Variants in CNTNAP2 observed in about 807,000 individuals in gnomAD.
The protein encoded by CNTNAP2 is contactin associated protein 2, also known as contactin-associated protein-like 2.
A neutral mutation model predicts 155.2 loss-of-function variants in CNTNAP2; 98 were observed. The observed-to-expected ratio is 0.63, with a 90% confidence interval of 0.54 to 0.75. CNTNAP2 has a LOEUF of 0.75. Ranked by LOEUF, CNTNAP2 falls within the 30% of genes least tolerant of loss-of-function variation. The pLI, the probability that CNTNAP2 is intolerant of heterozygous loss-of-function variation, is 0.00. For missense variants in CNTNAP2, 1,727 were observed against 1,688.1 expected (o/e 1.02, Z -0.40); for synonymous variants, 651 against 631.2 (o/e 1.03, Z -0.47).
intron 1 of CNTNAP2, among the ~76,000 whole-genome samples, chr7:146,296,219 A>G (rs1800512680): frequency 1.3e-5 from 2 of 152,152 alleles, no homozygotes; most frequent in African/African-American, 4.8e-5. Flanking sequence ...ACACTCACAG[A>G]GGAACTGAGT....
At chr7:147,109,001 AT>A (rs1800823566) in intron 5 of CNTNAP2, among the ~76,000 whole-genome samples, 1 of 152,224 alleles carries the variant, frequency 6.6e-6, no homozygotes, top group Non-Finnish European at 1.5e-5. Flanking sequence ...AGAGGTGGAA[AT>A]TGCCCAAATC....
intron 3 of CNTNAP2, among the ~76,000 whole-genome samples, chr7:147,028,849 A>G (rs956554024): frequency 1.3e-5 from 2 of 152,168 alleles, no homozygotes; most frequent in African/African-American, 4.8e-5. Flanking sequence ...GTGAGAAAGT[A>G]GCGAGAACAG....
chr7:147,726,117 C>T (rs940733462), intron 13 of CNTNAP2, among the ~76,000 whole-genome samples: 5 of 151,884 alleles, frequency 3.3e-5, no homozygotes, highest in African/African-American at 1.2e-4. Context: ...AGGGGGATAA[C>T]GAGAGCTGTT....
intron 14 of CNTNAP2, among the ~76,000 whole-genome samples, chr7:147,918,685 GA>G (rs1159549383): frequency 6.6e-6 from 1 of 152,080 alleles, no homozygotes; most frequent in Admixed American, 6.5e-5. Context: ...ACTAGAGGAG[GA>G]AAAAAACAAA....
intron 1 of CNTNAP2, among the ~76,000 whole-genome samples, chr7:146,547,544 A>G (rs141435581): frequency 8.5e-4 from 129 of 151,964 alleles, no homozygotes; most frequent in Middle Eastern, 6.8e-3. Flanking sequence ...TGATTTGGCT[A>G]TTTTAGGTAC....
intron 1 of CNTNAP2, among the ~76,000 whole-genome samples, chr7:146,590,447 C>T (rs1359182305): frequency 6.6e-6 from 1 of 152,068 alleles, no homozygotes; most frequent in Admixed American, 6.6e-5. Flanking sequence ...TACACAGCTC[C>T]TATCAAAGTC....
At chr7:147,335,966 G>T (rs1018050073) in intron 9 of CNTNAP2, among the ~76,000 whole-genome samples, 3 of 152,178 alleles carry the variant, frequency 2.0e-5, no homozygotes, top group Non-Finnish European at 2.9e-5. Flanking sequence ...CTGCAGTGTG[G>T]ATGAGTGAGA....
chr7:146,772,938 G>A (rs915760001), intron 1 of CNTNAP2, among the ~76,000 whole-genome samples: 2 of 152,146 alleles, frequency 1.3e-5, no homozygotes, highest in African/African-American at 4.8e-5. Context: ...CAGAGTGAGA[G>A]GGGAAGCAGG....
intron 8 of CNTNAP2, among the ~76,000 whole-genome samples, chr7:147,177,595 C>A (rs2116492349): frequency 6.6e-6 from 1 of 152,290 alleles, no homozygotes; most frequent in East Asian, 1.9e-4. Flanking sequence ...TGGATACATA[C>A]TCTTCTTCTA....
intron 3 of CNTNAP2, among the ~76,000 whole-genome samples, chr7:146,933,215 G>T (rs1234169845): frequency 3.3e-5 from 5 of 151,858 alleles, no homozygotes; most frequent in Admixed American, 3.3e-4. Flanking sequence ...AACCAAAACA[G>T]CATGGTACTG....
intron 13 of CNTNAP2, among the ~76,000 whole-genome samples, chr7:147,837,765 T>A (rs535289054): frequency 1.3e-5 from 2 of 152,282 alleles, no homozygotes; most frequent in South Asian, 2.1e-4. Context: ...AGCAGGGCTG[T>A]CAAATCTTAA....
intron 1 of CNTNAP2, among the ~76,000 whole-genome samples, chr7:146,241,393 A>T (rs2116927887): frequency 6.6e-6 from 1 of 152,334 alleles, no homozygotes; most frequent in South Asian, 2.1e-4. Context: ...GCCATCACAT[A>T]AAAATAAGCT....
chr7:147,967,744 C>G (rs1264657576), intron 14 of CNTNAP2, among the ~76,000 whole-genome samples: 1 of 152,114 alleles, frequency 6.6e-6, no homozygotes, highest in Non-Finnish European at 1.5e-5. Context: ...GAAATATTGG[C>G]CCAGATAAAC....
rs137894780 is a variant in CNTNAP2 at position 147,488,278 on chromosome 7, G to A, written c.1777+2237G>A. 1.7e-3 allele frequency among the ~76,000 whole-genome samples: 258 copies of A among 152,288 alleles called. 1 individual carries two copies. Among genetic ancestry groups the A allele is most frequent in the African/African-American group, 5.7e-3 (237 of 41,568 alleles). ...ATTCAAAGCAAGAAGAACGAAGTGC[G>A]AAGGCCCCAGTTTCTGATGTGTCTG... On this transcript the variant is annotated intron_variant, in intron 11 of 23. Transcript: ENST00000361727.
Position 147,851,258 on chromosome 7 carries a change from A to C in CNTNAP2, c.2099-52307A>C, listed in dbSNP as rs535467774. ...CACCAGTTAGAATGGCGATCATTAA[A>C]AAGTCAGGAAACAACAGGTGCTGGA... On this transcript the variant is annotated intron_variant, in intron 13 of 23. Transcript: ENST00000361727. 3.3e-4 allele frequency among the ~76,000 whole-genome samples: 50 copies of C among 152,326 alleles called. No homozygotes were observed. In the South Asian group the frequency reaches 9.3e-3, roughly 28 times the overall value.
At chr7:146,518,009 A>T (rs2129136779) in intron 1 of CNTNAP2, among the ~76,000 whole-genome samples, 1 of 152,076 alleles carries the variant, frequency 6.6e-6, no homozygotes, top group East Asian at 1.9e-4. Context: ...ACATTTACCC[A>T]GTAACTATCT....
Position 148,343,917 on chromosome 7 carries a change from C to T in CNTNAP2, c.3476-39732C>T, listed in dbSNP as rs546530472. Among the ~76,000 whole-genome samples the T allele has an allele frequency of 2.2e-4, 34 of 152,294 alleles. No homozygotes were observed. In the South Asian group the frequency reaches 6.0e-3, roughly 27 times the overall value. The stretch of plus-strand genomic sequence containing the variant: ...TGGGGACCACTTGAGGTTAGAGATT[C>T]GTAATTCAGTGTTGCCTCTGATCAG... On this transcript the variant is annotated intron_variant, in intron 21 of 23. Transcript: ENST00000361727.
chr7:148,061,751 A>G (rs763797690), intron 15 of CNTNAP2, among the ~76,000 whole-genome samples: 10 of 152,094 alleles, frequency 6.6e-5, no homozygotes, highest in Non-Finnish European at 1.3e-4. Context: ...ATCTATTCAG[A>G]AAGACTAAAC....
At chr7:146,148,353 A>T (rs1196275254) in intron 1 of CNTNAP2, among the ~76,000 whole-genome samples, 1 of 152,120 alleles carries the variant, frequency 6.6e-6, no homozygotes, top group Non-Finnish European at 1.5e-5. Context: ...AAAACTCTTC[A>T]TTACTCATAA....
Sources: gnomAD v4.1 joint callset for allele counts (sites outside exome capture counted in the v4.1 genomes callset) on GRCh38, gnomAD v4.1.1 for gene constraint, MANE v1.5 for transcripts, NCBI Gene and HGNC (gene_info 2026-07-23, HGNC 2026-07-21) for gene names.